Variants in NEGR1 observed in about 807,000 individuals in gnomAD.
NEGR1 encodes IgLON family member 4.
NEGR1 carries 10 observed loss-of-function variants against 40.9 expected under a neutral mutation model. The ratio of observed to expected loss-of-function variants is 0.24; its 90% CI spans 0.15 to 0.42. The LOEUF (loss-of-function observed/expected upper bound fraction) is 0.42, where lower values mean the gene tolerates loss of function less well. NEGR1 is among the 10% of genes least tolerant of loss of function. The pLI, the probability that NEGR1 is intolerant of heterozygous loss-of-function variation, is 1.00. For missense variants in NEGR1, 352 were observed against 438.9 expected, an observed-to-expected ratio of 0.80 and a Z score of 1.77; for synonymous variants, 185 against 166.8, an observed-to-expected ratio of 1.11 and a Z score of -0.84.
At chr1:72,232,592 T>C (rs1461626924) in intron 1 of NEGR1, among the ~76,000 whole-genome samples, 1 of 152,128 alleles carries the variant, frequency 6.6e-6, no homozygotes, top group Non-Finnish European at 1.5e-5. Flanking sequence ...TTGTGACAGG[T>C]TAAGCAATAT....
chr1:71,594,407 A>G (rs1273569207), intron 5 of NEGR1, among the ~76,000 whole-genome samples: 1 of 152,160 alleles, frequency 6.6e-6, no homozygotes, highest in Non-Finnish European at 1.5e-5. Context: ...TGTGGCTTGC[A>G]CCTGAATTTA....
At chr1:71,662,696 T>C (rs961479383) in intron 4 of NEGR1, among the ~76,000 whole-genome samples, 1 of 151,216 alleles carries the variant, frequency 6.6e-6, no homozygotes, top group African/African-American at 2.4e-5. Context: ...AGAATATATA[T>C]ATAATATTAT....
intron 3 of NEGR1, among the ~76,000 whole-genome samples, chr1:71,728,342 GAAGGGTAAATTAGGGAGATGAAACTAGA>G (rs1433700850): frequency 3.3e-5 from 5 of 152,122 alleles, no homozygotes; most frequent in Non-Finnish European, 5.9e-5. Flanking sequence ...AGAGTAACTG[GAAGGGTAAATTAGGGAGATGAAACTAGA>G]AGCAGGACCT....
chr1:72,013,963 TAAAAAAAAAAAA>T (rs1161156816), intron 1 of NEGR1, among the ~76,000 whole-genome samples: 1 of 88,490 alleles, frequency 1.1e-5, no homozygotes, highest in Non-Finnish European at 2.3e-5. Flanking sequence ...CTGTGAAAAA[TAAAAAAAAAAAA>T]AAAAAAAAAA....
chr1:72,193,906 T>G (rs1481599620), intron 1 of NEGR1, among the ~76,000 whole-genome samples: 1 of 151,748 alleles, frequency 6.6e-6, no homozygotes, highest in Non-Finnish European at 1.5e-5. Context: ...AGGTTTCACA[T>G]TCATAGTATA....
At chr1:71,676,188 C>G (rs532364647) in intron 4 of NEGR1, among the ~76,000 whole-genome samples, 1 of 152,124 alleles carries the variant, frequency 6.6e-6, no homozygotes, top group African/African-American at 2.4e-5. Flanking sequence ...ACTAAGGACA[C>G]TTTTTGTGTG....
At chr1:71,447,284 C>T (rs909101723) in intron 6 of NEGR1, among the ~76,000 whole-genome samples, 8 of 152,122 alleles carry the variant, frequency 5.3e-5, no homozygotes, top group Non-Finnish European at 1.2e-4. Flanking sequence ...AAACCGGTTC[C>T]TGGTGCCAAA....
chr1:72,002,582 A>G (rs1321625801), intron 1 of NEGR1, among the ~76,000 whole-genome samples: 1 of 152,158 alleles, frequency 6.6e-6, no homozygotes, highest in Non-Finnish European at 1.5e-5. Flanking sequence ...GTTTGGTAGA[A>G]TTTTATTATA....
At chr1:71,565,105 G>A (rs1237892044) in intron 6 of NEGR1, among the ~76,000 whole-genome samples, 1 of 152,084 alleles carries the variant, frequency 6.6e-6, no homozygotes, top group African/African-American at 2.4e-5. Context: ...GAGGTAACCA[G>A]ATAAAATAAA....
intron 6 of NEGR1, among the ~76,000 whole-genome samples, chr1:71,423,829 C>A (rs1360723846): frequency 6.7e-6 from 1 of 149,346 alleles, no homozygotes; most frequent in Non-Finnish European, 1.5e-5. Flanking sequence ...ACCCACCCCC[C>A]CTTTTTTTTT....
At chr1:71,999,276 G>A (rs890403027) in intron 1 of NEGR1, among the ~76,000 whole-genome samples, 2 of 151,762 alleles carry the variant, frequency 1.3e-5, no homozygotes, top group Admixed American at 1.3e-4. Context: ...CTTTGAATAG[G>A]ATTTCATAAC....
At chr1:72,130,626 G>A (rs1257728734) in intron 1 of NEGR1, among the ~76,000 whole-genome samples, 1 of 152,130 alleles carries the variant, frequency 6.6e-6, no homozygotes, top group Non-Finnish European at 1.5e-5. Context: ...GGTGACTCCA[G>A]TCACGTGCTT....
At chr1:72,190,729 G>A (rs1279633749) in intron 1 of NEGR1, among the ~76,000 whole-genome samples, 1 of 151,388 alleles carries the variant, frequency 6.6e-6, no homozygotes, top group Non-Finnish European at 1.5e-5. Context: ...TAATGTACCT[G>A]AATAGCTAAT....
intron 1 of NEGR1, among the ~76,000 whole-genome samples, chr1:72,100,319 T>C (rs1359086886): frequency 6.6e-6 from 1 of 152,146 alleles, no homozygotes; most frequent in African/African-American, 2.4e-5. Context: ...ATGTCCTTGT[T>C]TTTGCTTAAA....
At chr1:71,619,011 A>G (rs1650532867) in intron 4 of NEGR1, among the ~76,000 whole-genome samples, 1 of 152,100 alleles carries the variant, frequency 6.6e-6, no homozygotes, top group Admixed American at 6.6e-5. Flanking sequence ...AGAGGTTTCT[A>G]AGGGCTCATG....
rs1553128986 is a variant in NEGR1 at position 71,999,678 on chromosome 1, TAC to T, written c.177-64369_177-64368del. 6.0e-3 allele frequency among the ~76,000 whole-genome samples: 299 copies of T among 49,782 alleles called. 39 individuals are homozygous for T. The highest frequency in any genetic ancestry group is 0.014 in the Middle Eastern group (1 of 72). The allele number at this position is 49,782 out of a possible 152,430, so 32.7% of individuals were successfully genotyped here. A position where few individuals can be genotyped will look rare whatever the true frequency, so the allele number is the denominator to read the frequency against. ...ATATATATATATATATATATATATATACATACATATTTTTGTCCGGTCTCGGA... is the reference window on the plus strand; with the variant it reads ...ATATATATATATATATATATATATATATACATATTTTTGTCCGGTCTCGGA... On this transcript the variant is annotated intron_variant, in intron 1 of 6. Transcript: ENST00000357731.
chr1:71,827,826 TC>T (rs1658691985), intron 2 of NEGR1, among the ~76,000 whole-genome samples: 1 of 151,894 alleles, frequency 6.6e-6, no homozygotes, highest in Admixed American at 6.6e-5. Context: ...AAGGTTTTTT[TC>T]TTTATCCCAA....
At chr1:71,907,705 G>A (rs1021391073) in intron 2 of NEGR1, among the ~76,000 whole-genome samples, 4 of 152,172 alleles carry the variant, frequency 2.6e-5, no homozygotes, top group South Asian at 2.1e-4. Flanking sequence ...GAAGTTGTAC[G>A]TTCATTGCAG....
chr1:72,140,929 T>C (rs921247368), intron 1 of NEGR1, among the ~76,000 whole-genome samples: 2 of 152,082 alleles, frequency 1.3e-5, no homozygotes, highest in Non-Finnish European at 2.9e-5. Flanking sequence ...TCATTTTTTC[T>C]AGAAAATTTA....
Sources: allele counts gnomAD v4.1 joint callset (sites outside exome capture counted in the v4.1 genomes callset), GRCh38; gene constraint gnomAD v4.1.1; transcripts MANE v1.5; gene names NCBI Gene and HGNC (gene_info 2026-07-23, HGNC 2026-07-21).